The following EFCAB7 variants were observed in gnomAD, a reference collection of about 807,000 sequenced individuals.
EFCAB7 encodes EF-hand calcium-binding domain-containing protein 7.
In EFCAB7, 66 loss-of-function variants were observed where a neutral mutation model predicts 77.1. That is an observed-to-expected ratio of 0.86 (90% confidence interval 0.70 to 1.05). EFCAB7 has a LOEUF of 1.05. Ranked by LOEUF, EFCAB7 falls within the 50% of genes least tolerant of loss-of-function variation. EFCAB7 has a pLI of 0.00. For synonymous variants in EFCAB7, 225 were observed against 243.3 expected (o/e 0.92, Z 0.70); for missense variants, 638 against 730.5 (o/e 0.87, Z 1.46).
At chr1:63,532,971 T>C (rs1646717236) in intron 4 of EFCAB7, among the ~76,000 whole-genome samples, 1 of 152,118 alleles carries the variant, frequency 6.6e-6, no homozygotes, top group African/African-American at 2.4e-5. Flanking sequence ...ATATTGGCAA[T>C]GACATCCTTA....
At chr1:63,575,794 C>T (rs994562461), downstream of EFCAB7, among the ~76,000 whole-genome samples, 4 of 151,796 alleles carry the variant, frequency 2.6e-5, no homozygotes, top group Non-Finnish European at 5.9e-5. Flanking sequence ...TGCCATGTTG[C>T]CCAGGCTGCT....
chr1:63,569,296 A>G (rs965965528), intron 12 of EFCAB7: 3 of 152,224 alleles, frequency 2.0e-5, no homozygotes, highest in Admixed American at 2.0e-4. Flanking sequence ...GAGCAACCAG[A>G]AAGTGTAAAA....
At position 63,561,755 on chromosome 1, in the gene EFCAB7, G is replaced by T. The variant is rs1647103497; in HGVS notation, c.1395G>T (p.Met465Ile). ...ATGAACTAACAAGACAAGGATTTAT[G>T]GATTTGAATCTAATGGAAGCTAATG... Reference protein sequence around the residue: ...KRNELTRQGFMDLNLMEANDR... With the variant: ...KRNELTRQGFIDLNLMEANDR... The change falls in exon 11 of 14, where the codon ATG (methionine) becomes ATT (isoleucine). Residue 465 changes from methionine to isoleucine, a missense_variant. Coordinates refer to ENST00000371088, the MANE Select transcript of EFCAB7 (RefSeq NM_032437.4). The T allele has an allele frequency of 6.2e-7, 1 of 1,610,158 alleles. No individual in the cohort carries two copies. Among genetic ancestry groups the T allele is most frequent in the Non-Finnish European group, 8.5e-7 (1 of 1,177,698 alleles).
At chr1:63,557,283 AAT>A (rs761210601) in intron 10 of EFCAB7, 36 bp downstream of exon 10, 13 of 1,558,620 alleles carry the variant, frequency 8.3e-6, no homozygotes, top group South Asian at 2.4e-5. Flanking sequence ...GATGTATAAA[AAT>A]ATATATATAG....
At chr1:63,562,445 TTATTTA>T (rs1399529769) in intron 11 of EFCAB7, among the ~76,000 whole-genome samples, 1,880 of 70,484 alleles carry the variant, frequency 0.027, 8 homozygotes, top group Non-Finnish European at 0.032. Context: ...CCTTCTTAAT[TTATTTA>T]TATATATATA....
intron 11 of EFCAB7, among the ~76,000 whole-genome samples, chr1:63,563,728 C>A (rs1294631272): frequency 6.6e-6 from 1 of 152,092 alleles, no homozygotes; most frequent in African/African-American, 2.4e-5. Flanking sequence ...TACTAAATTT[C>A]TTTATTGTTT....
Position 63,568,597 on chromosome 1 carries a change from G to A in EFCAB7, c.1707+78G>A, listed in dbSNP as rs187157251. 21 of 1,105,930 alleles carry A rather than the reference G, an allele frequency of 1.9e-5. No homozygotes were observed. In the East Asian group the frequency reaches 3.5e-4, roughly 18 times the overall value. 68.5% of individuals were successfully genotyped at this position (1,105,930 alleles called of 1,614,324 possible). On this transcript the variant is annotated intron_variant, in intron 12 of 13. Coordinates refer to ENST00000371088, the MANE Select transcript of EFCAB7 (RefSeq NM_032437.4). The stretch of plus-strand genomic sequence containing the variant: ...TTTCATCTTATTCCTTACTCTATTC[G>A]TATGTGGTAATTAAGTATCCCATCA...
chr1:63,563,884 G>A lies in EFCAB7; in HGVS notation c.1497+2027G>A, dbSNP rs989598154. On this transcript the variant is annotated intron_variant, in intron 11 of 13. Transcript: ENST00000371088. ...AATATAACTTCTTTATAAGGGCATT[G>A]CCCCTATATACTGTAATTGAATAGT... is the stretch of plus-strand genomic sequence containing the variant. Among the ~76,000 whole-genome samples the A allele has an allele frequency of 5.3e-5, 8 of 152,096 alleles. No individual in the cohort carries two copies. The East Asian group carries it at 1.5e-3, about 29-fold the overall frequency.
intron 2 of EFCAB7, among the ~76,000 whole-genome samples, chr1:63,529,394 G>A (rs1570375625): frequency 6.6e-6 from 1 of 152,088 alleles, no homozygotes; most frequent in Non-Finnish European, 1.5e-5. Context: ...CAATTTTACA[G>A]TCAGATGTAG....
At chr1:63,539,032 C>A (rs1354815517) in intron 6 of EFCAB7, among the ~76,000 whole-genome samples, 4 of 152,056 alleles carry the variant, frequency 2.6e-5, no homozygotes, top group Non-Finnish European at 4.4e-5. Context: ...CTCACAAATT[C>A]TCTTCTATTA....
chr1:63,554,062 A>G (rs1193988475), intron 8 of EFCAB7, among the ~76,000 whole-genome samples: 2 of 152,108 alleles, frequency 1.3e-5, no homozygotes, highest in Non-Finnish European at 2.9e-5. Flanking sequence ...GCTTCAAGCA[A>G]TCTTTCCACC....
At chr1:63,533,682 C>A (rs1362904152) in intron 5 of EFCAB7, 33 bp downstream of exon 5, 4 of 1,461,366 alleles carry the variant, frequency 2.7e-6, no homozygotes, top group South Asian at 2.7e-5. Context: ...ATTTCTTGAT[C>A]AGAAATGAAG....
chr1:63,555,426 G>A lies in EFCAB7; in HGVS notation c.1125G>A (p.Arg375=). Residue 375 remains arginine (R), a synonymous_variant, in exon 9 of 14, where the codon AGG becomes AGA. Transcript: ENST00000371088. ...YWLIPSTTGC[R]LRKKIKPVTD... is the part of the protein sequence containing the mutation. ...TAATTCCTTCCACAACTGGCTGTAG[G>A]CTGAGGAAAAAAATAAAACCAGTAA... 6.2e-7 allele frequency: 1 copy of A among 1,613,936 alleles called. No individual in the cohort carries two copies. The highest frequency in any genetic ancestry group is 8.5e-7 in the Non-Finnish European group (1 of 1,179,914).
intron 11 of EFCAB7, among the ~76,000 whole-genome samples, chr1:63,566,969 CTTTT>C (rs1159695505): frequency 5.3e-5 from 8 of 151,208 alleles, no homozygotes; most frequent in Non-Finnish European, 8.8e-5. Context: ...AGACTTCTTT[CTTTT>C]ATTTTCTTAA....
chr1:63,534,904 G>A (rs1021810983), intron 6 of EFCAB7, among the ~76,000 whole-genome samples: 1 of 151,910 alleles, frequency 6.6e-6, no homozygotes, highest in Non-Finnish European at 1.5e-5. Context: ...TTGCTAGAGA[G>A]TGACATTTGT....
intron 1 of EFCAB7, among the ~76,000 whole-genome samples, chr1:63,525,000 T>C (rs2100855862): frequency 6.6e-6 from 1 of 152,334 alleles, no homozygotes; most frequent in South Asian, 2.1e-4. Flanking sequence ...ATTATTGAGA[T>C]GTTAATGAAA....
At chr1:63,544,755 G>A (rs1189894063) in intron 6 of EFCAB7, among the ~76,000 whole-genome samples, 1 of 151,820 alleles carries the variant, frequency 6.6e-6, no homozygotes, top group Non-Finnish European at 1.5e-5. Context: ...ATCTACACTT[G>A]AAGCAATTAT....
intron 2 of EFCAB7, among the ~76,000 whole-genome samples, chr1:63,526,263 A>G (rs1159292137): frequency 6.6e-6 from 1 of 151,950 alleles, no homozygotes; most frequent in South Asian, 2.1e-4. Flanking sequence ...CCTTTATCAC[A>G]TTTAAAAATT....
chr1:63,545,351 T>G (rs188937263), intron 6 of EFCAB7, among the ~76,000 whole-genome samples: 11 of 152,330 alleles, frequency 7.2e-5, no homozygotes, highest in Non-Finnish European at 1.2e-4. Flanking sequence ...CCCAATCAAT[T>G]AGACAGTAAA....
Sources: allele counts gnomAD v4.1 joint callset (sites outside exome capture counted in the v4.1 genomes callset), GRCh38; gene constraint gnomAD v4.1.1; transcripts MANE v1.5; gene names NCBI Gene and HGNC (gene_info 2026-07-23, HGNC 2026-07-21).